TDRD9: variants seen among roughly 807,000 people sequenced by gnomAD.
The protein encoded by TDRD9 is tudor domain containing 9.
In TDRD9, 124 loss-of-function variants were observed where a neutral mutation model predicts 172.6. The observed-to-expected ratio is 0.72, with a 90% CI of 0.62 to 0.83. TDRD9 has a LOEUF of 0.83. TDRD9 is among the 40% of genes least tolerant of loss of function. TDRD9 has a pLI of 0.00. For missense variants in TDRD9, 1,479 were observed against 1,714.1 expected, an observed-to-expected ratio of 0.86 and a Z score of 2.42; for synonymous variants, 619 against 617.1, an observed-to-expected ratio of 1.00 and a Z score of -0.05.
chr14:103,928,592 C>A lies in TDRD9; in HGVS notation c.83C>A (p.Ala28Glu). Reference sequence around the variant, plus strand: ...GTGACCAATGTGGAGCTGCTGGGCGCGCCGCCCGCCTTCCCGGCAGGGGCG... The same window carrying A: ...GTGACCAATGTGGAGCTGCTGGGCGAGCCGCCCGCCTTCCCGGCAGGGGCG... ...KTVTNVELLG[A>E]PPAFPAGAAR... The change falls in exon 1 of 36, where the codon GCG (alanine) becomes GAG (glutamate). Residue 28 changes from alanine (A) to glutamate (E), a missense_variant. By Grantham distance (107) the Ala-to-Glu change is moderately radical. Coordinates refer to ENST00000409874, the MANE Select transcript of TDRD9 (RefSeq NM_153046.3). 7.4e-7 allele frequency: 1 copy of A among 1,350,720 alleles called. No individual in the cohort carries two copies. Among genetic ancestry groups the A allele is most frequent in the Non-Finnish European group, 9.7e-7 (1 of 1,032,732 alleles). 83.7% of individuals were successfully genotyped at this position (1,350,720 alleles called of 1,614,324 possible). A position where few individuals can be genotyped will look rare whatever the true frequency, so the allele number is the denominator to read the frequency against.
chr14:103,955,484 A>G (rs2032147458), intron 1 of TDRD9, among the ~76,000 whole-genome samples, 180 bp from the exon 2 acceptor site: 1 of 152,196 alleles, frequency 6.6e-6, no homozygotes, highest in South Asian at 2.1e-4. Flanking sequence ...TTGATGGGTG[A>G]AAAAATGGTT....
intron 34 of TDRD9, among the ~76,000 whole-genome samples, chr14:104,044,041 A>G (rs1413494537): frequency 2.6e-5 from 4 of 152,104 alleles, no homozygotes; most frequent in South Asian, 2.1e-4. Context: ...TACCTGGTCA[A>G]TCCCACCACT....
At chr14:103,971,639 G>A (rs1345769668) in intron 6 of TDRD9, among the ~76,000 whole-genome samples, 3 of 152,094 alleles carry the variant, frequency 2.0e-5, no homozygotes, top group Non-Finnish European at 4.4e-5. Context: ...ATTTGAAACT[G>A]ATGACGCTTA....
chr14:103,975,005 C>G (rs79487738), intron 6 of TDRD9, among the ~76,000 whole-genome samples: 3,364 of 152,140 alleles, frequency 0.022, 141 homozygotes, highest in Admixed American at 0.12. Flanking sequence ...CTCCTGGGCT[C>G]AAGTGGTCCT....
chr14:103,980,044 TA>T lies in TDRD9; in HGVS notation c.1011+4499del, dbSNP rs893280552. ...ATGCATACCACCATGCTTGGCTAATTAAAAAAAATTTTTTTGTGGAGATAGG... is the reference window on the plus strand; with the variant it reads ...ATGCATACCACCATGCTTGGCTAATTAAAAAAATTTTTTTGTGGAGATAGG... On this transcript the variant is annotated intron_variant, in intron 7 of 35. Transcript: ENST00000409874. This position sits in a 1 kb window ranked among gnomAD's most constrained non-coding sequence, Gnocchi z 4.5. 5.9e-5 allele frequency among the ~76,000 whole-genome samples: 9 copies of T among 151,998 alleles called. No individual in the cohort carries two copies. Among genetic ancestry groups the T allele is most frequent in the Non-Finnish European group, 1.0e-4 (7 of 67,994 alleles).
intron 28 of TDRD9, among the ~76,000 whole-genome samples, chr14:104,029,364 T>C (rs528543100): frequency 1.4e-4 from 22 of 152,302 alleles, no homozygotes; most frequent in African/African-American, 5.3e-4. Context: ...TTAATTGATA[T>C]TTTGTAGTTT....
chr14:104,032,793 C>T (rs953746459), intron 30 of TDRD9, among the ~76,000 whole-genome samples: 32 of 151,968 alleles, frequency 2.1e-4, no homozygotes, highest in Non-Finnish European at 2.8e-4. Context: ...TAGAGGAAGC[C>T]GGTAACTACA....
At chr14:103,939,693 T>G (rs2031062431) in intron 1 of TDRD9, 1 of 143,498 alleles carries the variant, frequency 7.0e-6, no homozygotes, top group African/African-American at 2.5e-5. Flanking sequence ...TTTTTTTTTT[T>G]TTTTTTTTTT....
Position 104,005,318 on chromosome 14 carries a change from C to T in TDRD9, c.1626C>T (p.Asp542=), listed in dbSNP as rs1467835745. The T allele has an allele frequency of 1.2e-6, 2 of 1,613,836 alleles. No individual in the cohort carries two copies. Among genetic ancestry groups the T allele is most frequent in the Non-Finnish European group, 1.7e-6 (2 of 1,179,858 alleles). ...CGATCTTGAAAGTGAAATTACTTGA[C>T]ATGGGTGAGCCGAGAGCTCTGCTGG... The part of the protein sequence containing the change: ...GSTILKVKLL[D]MGEPRALLAT... The change falls in exon 15 of 36, where the codon GAC becomes GAT. Residue 542 remains aspartate (D), a synonymous_variant. Coordinates refer to ENST00000409874, the MANE Select transcript of TDRD9 (RefSeq NM_153046.3).
intron 1 of TDRD9, chr14:103,942,089 T>G (rs1458918751): frequency 1.6e-5 from 3 of 184,420 alleles, no homozygotes; most frequent in Non-Finnish European, 3.3e-5. Flanking sequence ...GTTTAAAGCT[T>G]ACCTGTTAAG....
chr14:103,992,856 C>T (rs974593939), intron 9 of TDRD9, among the ~76,000 whole-genome samples: 136 of 129,754 alleles, frequency 1.0e-3, no homozygotes, highest in African/African-American at 3.7e-3. Context: ...ACCTGGGAGG[C>T]GGAGCTTGCA....
chr14:104,026,819 GCA>G lies in TDRD9; in HGVS notation c.3165_3166del (p.His1055GlnfsTer43). 6.2e-7 allele frequency: 1 copy of G among 1,614,048 alleles called. No homozygotes were observed. Among genetic ancestry groups the G allele is most frequent in the Non-Finnish European group, 8.5e-7 (1 of 1,179,906 alleles). On this transcript the variant is annotated frameshift_variant, in exon 28 of 36. Transcript: ENST00000409874. LOFTEE classifies it high-confidence loss of function. ...TCCTTGTGAAGGTCTTCTCTGTGGT[GCA>G]CAGCGTCCTGCACGTGGATGTGTAC... ...TLLVKVFSVV[H>X]SVLHVDVYQY...
In TDRD9 at chr14:104,026,088, A is replaced by T. The variant is rs761830060; in HGVS notation, c.2973A>T (p.Leu991=). The T allele has an allele frequency of 6.2e-7, 1 of 1,611,286 alleles. No homozygotes were observed. The highest frequency in any genetic ancestry group is 1.3e-5 in the African/African-American group (1 of 74,780). The change falls in exon 27 of 36, where the codon CTA becomes CTT. Residue 991 remains leucine (L), a synonymous_variant. Coordinates refer to ENST00000409874, the MANE Select transcript of TDRD9 (RefSeq NM_153046.3). ...ATGGCAATAAGTCTCATGTAGATCT[A>T]CATCTTTTGATGGAGATTCCCTGTC... The part of the protein sequence containing the change: ...VDYGNKSHVD[L]HLLMEIPCQF...
At position 104,042,109 on chromosome 14, in the gene TDRD9, A is replaced by C. The variant is rs1159236115; in HGVS notation, c.3896A>C (p.Asp1299Ala). Residue 1299 changes from aspartate to alanine, a missense_variant, in exon 34 of 36, where the codon GAT becomes GCT. Around this residue, in one of 3 missense-constraint regions of TDRD9, gnomAD observed 1,413 missense variants for 1,649.1 expected, o/e 0.86. Coordinates refer to ENST00000409874, the MANE Select transcript of TDRD9 (RefSeq NM_153046.3). ...GCTGCTATTAACAAGCTAGTCTGTG[A>C]TGGACCAAATGGATGCAAGTGTCTT... The part of the protein sequence containing the change: ...LRAAINKLVC[D>A]GPNGCKCLGP... 1 of 1,613,716 alleles carries C rather than the reference A, an allele frequency of 6.2e-7. No individual in the cohort carries two copies. Among genetic ancestry groups the C allele is most frequent in the Admixed American group, 1.7e-5 (1 of 60,024 alleles).
chr14:104,025,472 G>A (rs2035088010), intron 25 of TDRD9, 92 bp from the exon 26 acceptor site: 2 of 938,178 alleles, frequency 2.1e-6, no homozygotes, highest in Admixed American at 4.3e-5. Flanking sequence ...GTGTCGTACA[G>A]CACAGGGTGT....
rs144128092 is a variant in TDRD9, at chr14:103,961,946, C to T, written c.323-1133C>T. On this transcript the variant is annotated intron_variant, in intron 2 of 35. Transcript: ENST00000409874. ...GGGCTGATAGGAAGGGAAGGTGAGT[C>T]GTGGGGTAAGGGAATGAGTGCGGTG... 2.7e-3 allele frequency among the ~76,000 whole-genome samples: 417 copies of T among 152,160 alleles called. 2 individuals carry two copies. The highest frequency in any genetic ancestry group is 9.7e-3 in the African/African-American group (403 of 41,512).
chr14:104,039,863 T>C (rs2152263110), intron 32 of TDRD9, among the ~76,000 whole-genome samples: 1 of 152,172 alleles, frequency 6.6e-6, no homozygotes, highest in African/African-American at 2.4e-5. Context: ...AATAAGAATT[T>C]AACCCATGGA....
At chr14:103,966,631 T>C (rs2152145528) in intron 4 of TDRD9, 78 bp from the exon 5 acceptor site, 10 of 1,315,698 alleles carry the variant, frequency 7.6e-6, no homozygotes, top group Non-Finnish European at 1.0e-5. Flanking sequence ...TTCCCTTTCT[T>C]ACCCCCATTA....
intron 7 of TDRD9, among the ~76,000 whole-genome samples, chr14:103,984,106 A>T (rs2033580279): frequency 1.3e-5 from 2 of 152,194 alleles, no homozygotes; most frequent in Non-Finnish European, 2.9e-5. Flanking sequence ...GGTGTCTTGG[A>T]TGCTGTTAAA....
Sources: allele counts gnomAD v4.1 joint callset (sites outside exome capture counted in the v4.1 genomes callset), GRCh38; gene constraint gnomAD v4.1.1; regional missense constraint gnomAD v4.1.1; non-coding constraint Gnocchi (gnomAD v3.1); transcripts MANE v1.5; gene names NCBI Gene and HGNC (gene_info 2026-07-23, HGNC 2026-07-21).